The following BABAM2 variants were observed in gnomAD, a reference collection of about 807,000 sequenced individuals.
BABAM2 encodes BRISC and BRCA1 A complex member 2.
BABAM2 carries 31 observed loss-of-function variants against 54.7 expected under a neutral mutation model. The observed-to-expected ratio is 0.57, with a 90% CI of 0.43 to 0.77. The LOEUF is 0.77. BABAM2 is among the 30% of genes least tolerant of loss of function. BABAM2 has a pLI of 0.00. For synonymous variants in BABAM2, 167 were observed against 162.9 expected (o/e 1.03, Z -0.19); for missense variants, 364 against 455.8 (o/e 0.80, Z 1.83).
intron 2 of BABAM2, among the ~76,000 whole-genome samples, chr2:27,905,513 A>G (rs560382086): frequency 5.9e-5 from 9 of 152,318 alleles, no homozygotes; most frequent in Admixed American, 2.6e-4. Flanking sequence ...AAGCACTTAC[A>G]GTAGTGCTTG....
At chr2:28,101,571 C>T (rs924080240) in intron 6 of BABAM2, among the ~76,000 whole-genome samples, 4 of 152,134 alleles carry the variant, frequency 2.6e-5, no homozygotes, top group African/African-American at 9.7e-5. Context: ...TACAGGGCCT[C>T]ACCTGTGGTT....
chr2:28,211,907 T>C (rs1367492012), intron 7 of BABAM2, among the ~76,000 whole-genome samples: 1 of 152,210 alleles, frequency 6.6e-6, no homozygotes, highest in Non-Finnish European at 1.5e-5. Context: ...ATTTCCTCAT[T>C]TGTCTCAAGT....
At chr2:28,008,542 A>C (rs200047576) in intron 4 of BABAM2, among the ~76,000 whole-genome samples, 2 of 152,222 alleles carry the variant, frequency 1.3e-5, no homozygotes, top group East Asian at 3.8e-4. Flanking sequence ...TGGGTCAAAG[A>C]AAGCATGTCT....
intron 6 of BABAM2, among the ~76,000 whole-genome samples, chr2:28,107,035 A>G (rs1392390938): frequency 3.9e-5 from 6 of 152,120 alleles, no homozygotes; most frequent in African/African-American, 1.4e-4. Flanking sequence ...TCTAGTTCAC[A>G]TTATCCTTAA....
intron 7 of BABAM2, among the ~76,000 whole-genome samples, chr2:28,153,475 T>C (rs2147786478): frequency 6.6e-6 from 1 of 152,388 alleles, no homozygotes; most frequent in Non-Finnish European, 1.5e-5. Context: ...AGTCCAAATC[T>C]TAGCCTCTTA....
chr2:28,334,869 A>G (rs569459118), intron 11 of BABAM2, among the ~76,000 whole-genome samples: 5 of 152,110 alleles, frequency 3.3e-5, no homozygotes, highest in Non-Finnish European at 7.3e-5. Context: ...GGCCTTGCCT[A>G]GGTCTGGAGC....
intron 11 of BABAM2, among the ~76,000 whole-genome samples, chr2:28,323,877 C>T (rs186060031): frequency 1.3e-3 from 199 of 152,332 alleles, no homozygotes; most frequent in Non-Finnish European, 2.5e-3. Context: ...TTCCTTCCCC[C>T]AGACACTCAG....
intron 6 of BABAM2, among the ~76,000 whole-genome samples, chr2:28,095,054 T>C (rs1168706311): frequency 6.6e-6 from 1 of 152,148 alleles, no homozygotes; most frequent in African/African-American, 2.4e-5. Context: ...TGTAAATGCA[T>C]TGTTTCCTCT....
In BABAM2 at chr2:28,123,690, A is replaced by G. The variant is rs975166648; in HGVS notation, c.571-5581A>G. 7.2e-5 allele frequency among the ~76,000 whole-genome samples: 11 copies of G among 152,204 alleles called. 1 individual carries two copies. Among genetic ancestry groups the G allele is most frequent in the African/African-American group, 1.7e-4 (7 of 41,442 alleles). ...TGTGGATTTGTATTTTTGGAATTCT[A>G]TGGGCTTGTTTAAGCACTCAAATTC... On this transcript the variant is annotated intron_variant, in intron 6 of 11. Coordinates refer to ENST00000379624, the MANE Select transcript of BABAM2 (RefSeq NM_199191.3).
At chr2:28,196,155 G>A (rs1180463262) in intron 7 of BABAM2, among the ~76,000 whole-genome samples, 4 of 151,722 alleles carry the variant, frequency 2.6e-5, no homozygotes, top group African/African-American at 9.7e-5. Flanking sequence ...GTGAAACCCC[G>A]TCTCTACTAA....
At chr2:28,143,668 A>G (rs1282614292) in intron 7 of BABAM2, among the ~76,000 whole-genome samples, 4 of 152,158 alleles carry the variant, frequency 2.6e-5, no homozygotes, top group Non-Finnish European at 5.9e-5. Flanking sequence ...CATATTAACT[A>G]TTTCTATAGG....
intron 7 of BABAM2, among the ~76,000 whole-genome samples, chr2:28,232,458 T>C (rs746030174): frequency 8.5e-5 from 13 of 152,192 alleles, no homozygotes; most frequent in African/African-American, 1.2e-4. Flanking sequence ...CATTGCTTAA[T>C]GGCCAGGACA....
chr2:28,023,630 C>T (rs534493057), intron 4 of BABAM2, among the ~76,000 whole-genome samples: 4 of 152,222 alleles, frequency 2.6e-5, no homozygotes, highest in Non-Finnish European at 5.9e-5. Flanking sequence ...ACCTTTTCCT[C>T]TGTTCATCAT....
chr2:28,038,843 A>G (rs1350214719), intron 5 of BABAM2, among the ~76,000 whole-genome samples: 2 of 152,206 alleles, frequency 1.3e-5, no homozygotes, highest in Non-Finnish European at 2.9e-5. Context: ...TATAATAAAC[A>G]TATAAGTGGA....
intron 10 of BABAM2, among the ~76,000 whole-genome samples, chr2:28,259,982 C>T (rs1388905271): frequency 6.6e-6 from 1 of 151,536 alleles, no homozygotes; most frequent in Non-Finnish European, 1.5e-5. Context: ...CTCACTGCAA[C>T]CTCTTCTTCC....
intron 7 of BABAM2, among the ~76,000 whole-genome samples, chr2:28,144,522 CT>C (rs1354406508): frequency 6.6e-6 from 1 of 152,194 alleles, no homozygotes; most frequent in Non-Finnish European, 1.5e-5. Context: ...CCCAGATAAT[CT>C]TGCATATTCT....
chr2:28,261,338 T>G (rs953210739), intron 10 of BABAM2, among the ~76,000 whole-genome samples: 6 of 151,598 alleles, frequency 4.0e-5, no homozygotes, highest in Admixed American at 1.3e-4. Flanking sequence ...ATTTTTTTTT[T>G]TTTTTTGAGG....
chr2:28,083,563 T>G (rs1354675359), intron 6 of BABAM2, among the ~76,000 whole-genome samples: 1 of 152,240 alleles, frequency 6.6e-6, no homozygotes, highest in Admixed American at 6.5e-5. Flanking sequence ...AGTCTCCTTA[T>G]GCTTCCAGTC....
At chr2:27,928,864 G>A (rs1354666846) in intron 2 of BABAM2, among the ~76,000 whole-genome samples, 3 of 151,554 alleles carry the variant, frequency 2.0e-5, no homozygotes, top group Non-Finnish European at 4.4e-5. Flanking sequence ...ATCTTGTACA[G>A]CAGATCTGTG....
Sources: gnomAD v4.1 joint callset for allele counts (sites outside exome capture counted in the v4.1 genomes callset) on GRCh38, gnomAD v4.1.1 for gene constraint, MANE v1.5 for transcripts, NCBI Gene and HGNC (gene_info 2026-07-23, HGNC 2026-07-21) for gene names.